The following MICAL2 variants were observed in gnomAD, a reference collection of about 807,000 sequenced individuals.
MICAL2 encodes [F-actin]-monooxygenase MICAL2.
In MICAL2, 77 loss-of-function variants were observed where a neutral mutation model predicts 127.3. The ratio of observed to expected loss-of-function variants is 0.60; its 90% confidence interval spans 0.50 to 0.73. MICAL2 has a LOEUF of 0.73. MICAL2 is among the 30% of genes least tolerant of loss of function. The pLI, the probability that MICAL2 is intolerant of heterozygous loss-of-function variation, is 0.00. For missense variants in MICAL2, 1,351 were observed against 1,434.4 expected (o/e 0.94, Z 0.94); for synonymous variants, 570 against 551.1 (o/e 1.03, Z -0.48).
chr11:12,205,816 A>G (rs978712313), intron 4 of MICAL2, among the ~76,000 whole-genome samples: 4 of 152,344 alleles, frequency 2.6e-5, no homozygotes, highest in African/African-American at 9.6e-5. Flanking sequence ...CATGCTGTAC[A>G]GTGAGCAAGA....
chr11:12,282,297 A>G (rs1863780952), intron 2 of MICAL2, among the ~76,000 whole-genome samples: 1 of 152,128 alleles, frequency 6.6e-6, no homozygotes, highest in South Asian at 2.1e-4. Flanking sequence ...CACTGAACTG[A>G]GTACTCTCCT....
chr11:12,212,130 A>ATG (rs1260518791), intron 6 of MICAL2, among the ~76,000 whole-genome samples: 3 of 152,288 alleles, frequency 2.0e-5, no homozygotes, highest in Admixed American at 2.0e-4. Flanking sequence ...CAGGTGCATC[A>ATG]GCCATACAGG....
intron 8 of MICAL2, among the ~76,000 whole-genome samples, chr11:12,219,710 A>G (rs747327612): frequency 6.6e-6 from 1 of 152,058 alleles, no homozygotes; most frequent in Admixed American, 6.6e-5. Flanking sequence ...ATAAAATCAC[A>G]CTTTCTGATG....
intron 32 of MICAL2, among the ~76,000 whole-genome samples, chr11:12,338,439 A>C (rs1325934525): frequency 6.6e-6 from 1 of 152,188 alleles, no homozygotes; most frequent in Non-Finnish European, 1.5e-5. Context: ...TAATTGGCGC[A>C]TTTAGCCCAT....
intron 29 of MICAL2, among the ~76,000 whole-genome samples, chr11:12,301,931 G>A (rs965358003): frequency 1.3e-5 from 2 of 152,198 alleles, no homozygotes; most frequent in African/African-American, 4.8e-5. Context: ...GACAGAGAAA[G>A]GATTCATGTT....
At chr11:12,186,254 T>C (rs1590236431) in intron 3 of MICAL2, among the ~76,000 whole-genome samples, 1 of 151,832 alleles carries the variant, frequency 6.6e-6, no homozygotes, top group Non-Finnish European at 1.5e-5. Context: ...CTTGGGGGAG[T>C]TTTTTTCTTT....
intron 34 of MICAL2, chr11:12,354,950 C>G: frequency 8.6e-7 from 1 of 1,159,338 alleles, no homozygotes. Context: ...GCTCTTCCTG[C>G]CTGCCAGCCT....
chr11:12,239,860 A>G (rs3763885), intron 17 of MICAL2, among the ~76,000 whole-genome samples: 10,366 of 152,336 alleles, frequency 0.068, 669 homozygotes, highest in East Asian at 0.35. Flanking sequence ...CTGTGTTCCA[A>G]TAAAACTTTA....
At chr11:12,312,290 G>GT (rs1433092118) in intron 29 of MICAL2, among the ~76,000 whole-genome samples, 5 of 147,760 alleles carry the variant, frequency 3.4e-5, no homozygotes, top group Non-Finnish European at 7.5e-5. Flanking sequence ...TTCAATTGTG[G>GT]TTCTTTTTCT....
chr11:12,276,206 T>C (rs991394027), intron 1 of MICAL2: 1 of 389,764 alleles, frequency 2.6e-6, no homozygotes, highest in South Asian at 1.4e-4. Context: ...AGAAGCGGGG[T>C]TGGAGGAAGG....
chr11:12,352,251 TA>T (rs1565313460), intron 33 of MICAL2, among the ~76,000 whole-genome samples: 1 of 152,050 alleles, frequency 6.6e-6, no homozygotes, highest in Non-Finnish European at 1.5e-5. Context: ...TTTAAAAGTG[TA>T]AAAAATTTAT....
intron 3 of MICAL2, among the ~76,000 whole-genome samples, chr11:12,170,048 G>T (rs1856041018): frequency 6.6e-6 from 1 of 152,142 alleles, no homozygotes; most frequent in South Asian, 2.1e-4. Flanking sequence ...CAGTGAAGTG[G>T]CAGGGATTAC....
chr11:12,125,440 C>G (rs1474809910), intron 1 of MICAL2, among the ~76,000 whole-genome samples: 2 of 152,090 alleles, frequency 1.3e-5, no homozygotes, highest in Non-Finnish European at 2.9e-5. Flanking sequence ...ATTTTTAGTA[C>G]AGACGGGGTT....
At chr11:12,223,625 G>A in intron 12 of MICAL2, 124 bp downstream of exon 12, 2 of 775,440 alleles carry the variant, frequency 2.6e-6, no homozygotes, top group Non-Finnish European at 4.3e-6. Context: ...TACCTGTGTG[G>A]TCATGGGCAG....
At chr11:12,190,754 G>C (rs1455329992) in intron 3 of MICAL2, among the ~76,000 whole-genome samples, 1 of 152,214 alleles carries the variant, frequency 6.6e-6, no homozygotes, top group East Asian at 1.9e-4. Context: ...CATGAGTCCA[G>C]AGTTGAACAG....
At chr11:12,180,349 A>ATATATATATTTTTT (rs11403732) in intron 3 of MICAL2, among the ~76,000 whole-genome samples, 1 of 139,682 alleles carries the variant, frequency 7.2e-6, no homozygotes, top group African/African-American at 2.7e-5. Flanking sequence ...ATATGTATAT[A>ATATATATATTTTTT]TTTTTTTTTT....
At chr11:12,260,618 C>A in intron 26 of MICAL2, 1 of 987,754 alleles carries the variant, frequency 1.0e-6, no homozygotes, top group Non-Finnish European at 1.2e-6. Context: ...ATCTCCTGAC[C>A]AGTGCCTTTT....
chr11:12,249,818 G>T (rs75585895), intron 22 of MICAL2: 2 of 152,314 alleles, frequency 1.3e-5, no homozygotes, highest in Non-Finnish European at 2.9e-5. Flanking sequence ...GGCACAGGGA[G>T]GAACGTTTCC....
chr11:12,326,349 A>G lies in MICAL2; in HGVS notation c.5422-824A>G, dbSNP rs538364240. The stretch of plus-strand genomic sequence containing the variant: ...TTGAAAGCAGAGAAAATGGATGGGG[A>G]TGAACAAAATTTATATAGGAATGGC... On this transcript the variant is annotated intron_variant, in intron 31 of 34. Coordinates refer to the MICAL2 transcript ENST00000646065. Among the ~76,000 whole-genome samples the G allele has an allele frequency of 1.2e-4, 18 of 152,342 alleles. No homozygotes were observed. The South Asian group carries it at 3.5e-3, about 30-fold the overall frequency.
Sources: gnomAD v4.1 joint callset for allele counts (sites outside exome capture counted in the v4.1 genomes callset) on GRCh38, gnomAD v4.1.1 for gene constraint, MANE v1.5 for transcripts, NCBI Gene and HGNC (gene_info 2026-07-23, HGNC 2026-07-21) for gene names.